The following CCNB3 variants were observed in gnomAD, a reference collection of about 807,000 sequenced individuals.
CCNB3 encodes the protein cyclin B3, also known as G2/mitotic-specific cyclin-B3.
CCNB3 carries 12 observed loss-of-function variants against 68.0 expected under a neutral mutation model. That is an observed-to-expected ratio of 0.18 (90% CI 0.11 to 0.29). The LOEUF (loss-of-function observed/expected upper bound fraction) is 0.29. Among genes scored for constraint, CCNB3 ranks in the 10% least tolerant of loss-of-function variants. CCNB3 has a pLI of 1.00. For synonymous variants in CCNB3, 354 were observed against 388.9 expected, an observed-to-expected ratio of 0.91 and a Z score of 1.06; for missense variants, 904 against 993.1, an observed-to-expected ratio of 0.91 and a Z score of 1.21.
intron 3 of CCNB3, among the ~76,000 whole-genome samples, 165 bp from the exon 4 acceptor site, chrX:50,288,615 T>A (rs1312240500): frequency 9.0e-6 from 1 of 111,227 alleles, no homozygotes; most frequent in Non-Finnish European, 1.9e-5. Context: ...AATAAACAGC[T>A]CTGAGTGCCA....
intron 1 of CCNB3, among the ~76,000 whole-genome samples, chrX:50,211,780 G>A (rs1278217668): frequency 8.9e-6 from 1 of 111,915 alleles, no homozygotes; most frequent in Non-Finnish European, 1.9e-5. Flanking sequence ...TATAAAAGCC[G>A]TCTTGAGAAG....
chrX:50,321,465 G>C (rs1485526253), intron 8 of CCNB3, among the ~76,000 whole-genome samples: 1 of 110,987 alleles, frequency 9.0e-6, no homozygotes, highest in Non-Finnish European at 1.9e-5. Context: ...AGTCTATTGG[G>C]TGTCAGAATC....
At position 50,351,458 on chromosome X, in the gene CCNB3, G is replaced by T. The variant is rs1367823231; in HGVS notation, c.4091+87G>T. 9 of 1,125,179 alleles carry T rather than the reference G, an allele frequency of 8.0e-6. No homozygotes were observed. The African/African-American group carries it at 1.6e-4, about 20-fold the overall frequency. 92.7% of individuals were successfully genotyped at this position (1,125,179 alleles called of 1,213,427 possible). A position where few individuals can be genotyped will look rare whatever the true frequency, so the allele number is the denominator to read the frequency against. ...CTAGACCGAGACTAGCCTCACTTAAGAGAAAAAGATTCAGGCACTTTTCAC... is the reference window on the plus strand; with the variant it reads ...CTAGACCGAGACTAGCCTCACTTAATAGAAAAAGATTCAGGCACTTTTCAC... On this transcript the variant is annotated intron_variant, in intron 12 of 12. Transcript: ENST00000376042.
intron 9 of CCNB3, among the ~76,000 whole-genome samples, chrX:50,344,758 A>T (rs1557220056): frequency 9.0e-6 from 1 of 111,617 alleles, no homozygotes; most frequent in East Asian, 2.8e-4. Context: ...TCCAGGTGAA[A>T]TAGTAATTTG....
intron 8 of CCNB3, among the ~76,000 whole-genome samples, chrX:50,340,847 G>A (rs1212943809): frequency 1.8e-5 from 2 of 111,354 alleles, no homozygotes; most frequent in African/African-American, 6.5e-5. Context: ...AATAGCAGGA[G>A]GAAGTTGGAA....
At chrX:50,324,013 T>C (rs1182154801) in intron 8 of CCNB3, among the ~76,000 whole-genome samples, 1 of 112,293 alleles carries the variant, frequency 8.9e-6, no homozygotes, top group Non-Finnish European at 1.9e-5. Flanking sequence ...TTGTAGTTTA[T>C]ATTTTACTTT....
chrX:50,311,316 G>T lies in CCNB3; in HGVS notation c.3147G>T (p.Leu1049Phe). The T allele has an allele frequency of 8.3e-7, 1 of 1,211,031 alleles. No homozygotes were observed. Among genetic ancestry groups the T allele is most frequent in the Non-Finnish European group, 1.1e-6 (1 of 895,388 alleles). The change falls in exon 6 of 13, where the codon TTG becomes TTT. Residue 1049 changes from leucine to phenylalanine, a missense_variant. By Grantham distance (22) the Leu-to-Phe change is conservative. Around this residue, in one of 2 missense-constraint regions of CCNB3, gnomAD observed 285 missense variants for 383.4 expected, o/e 0.74. Transcript: ENST00000376042. ...CKEDTFLETF[L>F]IPQIGTSPYV... is the part of the protein sequence containing the mutation. The stretch of plus-strand genomic sequence containing the variant: ...AAGACACCTTTCTGGAAACATTCTT[G>T]ATCCCCCAAATTGGAACCAGCCCAT...
intron 1 of CCNB3, among the ~76,000 whole-genome samples, chrX:50,226,780 AT>A (rs1935837391): frequency 5.0e-5 from 4 of 80,761 alleles, no homozygotes; most frequent in African/African-American, 1.9e-4. Context: ...GAATATATAT[AT>A]GAATATGTAC....
intron 1 of CCNB3, among the ~76,000 whole-genome samples, chrX:50,280,940 T>C (rs1936125338): frequency 9.1e-6 from 1 of 109,386 alleles, no homozygotes; most frequent in Admixed American, 9.9e-5. Context: ...TTTGTATCTT[T>C]TGTAGAGATG....
chrX:50,343,502 A>G (rs1368090292), intron 9 of CCNB3, among the ~76,000 whole-genome samples: 6 of 112,072 alleles, frequency 5.4e-5, no homozygotes, highest in Non-Finnish European at 1.1e-4. Context: ...CCAAGAATTT[A>G]AGACCAGCTT....
intron 1 of CCNB3, among the ~76,000 whole-genome samples, chrX:50,280,130 T>C (rs1168303768): frequency 7.9e-5 from 7 of 88,482 alleles, no homozygotes; most frequent in African/African-American, 3.0e-4. Context: ...ATATATAGAA[T>C]ATATGTAAAA....
chrX:50,293,378 A>C lies in CCNB3; in HGVS notation c.205-1485A>C, dbSNP rs189365159. ...GTCTCTCTCTCCTTCACTTCCACTCAAATTTTGATTACTTCTTGTCTTTTG... is the reference window on the plus strand; with the variant it reads ...GTCTCTCTCTCCTTCACTTCCACTCCAATTTTGATTACTTCTTGTCTTTTG... On this transcript the variant is annotated intron_variant, in intron 4 of 12. Coordinates refer to ENST00000376042, the MANE Select transcript of CCNB3 (RefSeq NM_033031.3). Among the ~76,000 whole-genome samples the C allele has an allele frequency of 8.8e-4, 96 of 108,683 alleles. 2 individuals carry two copies. The East Asian group carries it at 0.016, about 19-fold the overall frequency. The allele number at this position is 108,683 out of a possible 115,157, so 94.4% of individuals were successfully genotyped here.
At position 50,308,798 on chromosome X, in the gene CCNB3, C is replaced by T; in HGVS notation, c.629C>T (p.Pro210Leu). 1 of 1,211,436 alleles carries T rather than the reference C, an allele frequency of 8.3e-7. No homozygotes were observed. The highest frequency in any genetic ancestry group is 1.8e-5 in the South Asian group (1 of 56,906). The part of the protein sequence containing the change: ...SDSDDAFVIE[P>L]MTFKKTHKTE... Reference sequence around the variant, plus strand: ...AGTGATGATGCGTTTGTTATAGAGCCAATGACTTTTAAGAAGACACATAAA... The same window carrying T: ...AGTGATGATGCGTTTGTTATAGAGCTAATGACTTTTAAGAAGACACATAAA... Residue 210 changes from proline to leucine, a missense_variant, in exon 6 of 13, where the codon CCA (proline) becomes CTA (leucine). Coordinates refer to ENST00000376042, the MANE Select transcript of CCNB3 (RefSeq NM_033031.3).
intron 11 of CCNB3, among the ~76,000 whole-genome samples, chrX:50,349,997 C>T (rs1170140466): frequency 6.3e-5 from 7 of 111,123 alleles, no homozygotes; most frequent in Non-Finnish European, 7.5e-5. Flanking sequence ...TGACAGAGTT[C>T]GTGGGTCCTG....
intron 1 of CCNB3, among the ~76,000 whole-genome samples, chrX:50,280,408 A>G (rs1200912244): frequency 9.2e-6 from 1 of 108,164 alleles, no homozygotes; most frequent in Non-Finnish European, 1.9e-5. Flanking sequence ...AATGAAATGA[A>G]TGAGATATTG....
At position 50,310,448 on chromosome X, in the gene CCNB3, T is replaced by A; in HGVS notation, c.2279T>A (p.Phe760Tyr). The change falls in exon 6 of 13, where the codon TTC becomes TAC. Residue 760 changes from phenylalanine (F) to tyrosine (Y), a missense_variant. Phe to Tyr is a conservative substitution (Grantham distance 22). Around this residue, in one of 2 missense-constraint regions of CCNB3, gnomAD observed 619 missense variants for 609.8 expected, o/e 1.02. Transcript: ENST00000376042. ...KKKSTSHGKV[F>Y]FLKKQLALNE... ...AAGTCCACTTCTCATGGAAAAGTGT[T>A]CTTCCTGAAGAAGCAGTTGGCTTTG... 1 of 1,210,483 alleles carries A rather than the reference T, an allele frequency of 8.3e-7. No homozygotes were observed. The highest frequency in any genetic ancestry group is 1.1e-6 in the Non-Finnish European group (1 of 894,668).
intron 3 of CCNB3, among the ~76,000 whole-genome samples, chrX:50,287,006 T>A (rs1936253277): frequency 8.9e-6 from 1 of 112,201 alleles, no homozygotes; most frequent in South Asian, 3.7e-4. Flanking sequence ...TGAATCCAAT[T>A]CTGGTAACTT....
At chrX:50,347,257 G>T (rs1557220460) in intron 10 of CCNB3, among the ~76,000 whole-genome samples, 1 of 110,239 alleles carries the variant, frequency 9.1e-6, no homozygotes, top group Admixed American at 9.7e-5. Flanking sequence ...ATAAGAAAAG[G>T]GAAAAGGTTG....
chrX:50,304,815 A>T (rs1260200709), intron 5 of CCNB3, among the ~76,000 whole-genome samples: 1 of 112,120 alleles, frequency 8.9e-6, no homozygotes, highest in Admixed American at 9.4e-5. Context: ...CAAGAAAAAA[A>T]CAAACAACCC....
Sources: allele counts gnomAD v4.1 joint callset (sites outside exome capture counted in the v4.1 genomes callset), GRCh38; gene constraint gnomAD v4.1.1; regional missense constraint gnomAD v4.1.1; transcripts MANE v1.5; gene names NCBI Gene and HGNC (gene_info 2026-07-23, HGNC 2026-07-21).